The following SH3GL3 variants were observed in gnomAD, a reference collection of about 807,000 sequenced individuals.
The protein encoded by SH3GL3 is endophilin-A3.
SH3GL3 carries 33 observed loss-of-function variants against 47.7 expected under a neutral mutation model. The ratio of observed to expected loss-of-function variants is 0.69; its 90% CI spans 0.52 to 0.92. SH3GL3 has a LOEUF of 0.92. Among genes scored for constraint, SH3GL3 ranks in the 40% least tolerant of loss-of-function variants. SH3GL3 has a pLI of 0.00. For synonymous variants in SH3GL3, 155 were observed against 148.8 expected (o/e 1.04, Z -0.30); for missense variants, 363 against 417.8 (o/e 0.87, Z 1.14).
chr15:83,491,063 A>T (rs192250094), intron 1 of SH3GL3, among the ~76,000 whole-genome samples: 2 of 152,296 alleles, frequency 1.3e-5, no homozygotes, highest in Non-Finnish European at 2.9e-5. Flanking sequence ...ACAAAGACCT[A>T]AGGTCTAATG....
chr15:83,540,142 A>T (rs994212887), intron 1 of SH3GL3, among the ~76,000 whole-genome samples: 1 of 152,154 alleles, frequency 6.6e-6, no homozygotes, highest in Non-Finnish European at 1.5e-5. Flanking sequence ...ATTGATTTCT[A>T]TATTAATTTT....
At chr15:83,499,460 TAA>T (rs2042212284) in intron 1 of SH3GL3, among the ~76,000 whole-genome samples, 1 of 151,974 alleles carries the variant, frequency 6.6e-6, no homozygotes, top group South Asian at 2.1e-4. Context: ...TTTAACCAAT[TAA>T]ATCCCTCAAT....
intron 8 of SH3GL3, among the ~76,000 whole-genome samples, chr15:83,602,619 A>C (rs2060415839): frequency 6.6e-6 from 1 of 152,184 alleles, no homozygotes; most frequent in Admixed American, 6.5e-5. Flanking sequence ...ATTAAGTTTC[A>C]ACAGATGAGT....
intron 6 of SH3GL3, among the ~76,000 whole-genome samples, chr15:83,582,379 C>T (rs978391278): frequency 6.6e-6 from 1 of 152,086 alleles, no homozygotes; most frequent in Non-Finnish European, 1.5e-5. Flanking sequence ...TTCCAGATTC[C>T]TGAGGTCTTT....
At chr15:83,602,469 C>A (rs1345780607) in intron 8 of SH3GL3, among the ~76,000 whole-genome samples, 1 of 152,176 alleles carries the variant, frequency 6.6e-6, no homozygotes, top group Non-Finnish European at 1.5e-5. Context: ...CCTCACATGG[C>A]AGAAGGGGCA....
At chr15:83,573,487 G>A (rs976646914) in intron 5 of SH3GL3, among the ~76,000 whole-genome samples, 3 of 152,212 alleles carry the variant, frequency 2.0e-5, no homozygotes, top group African/African-American at 7.2e-5. Context: ...AATCTTATGG[G>A]TGAAGCCCAG....
At chr15:83,531,876 G>C (rs2043690623) in intron 1 of SH3GL3, among the ~76,000 whole-genome samples, 1 of 151,872 alleles carries the variant, frequency 6.6e-6, no homozygotes, top group African/African-American at 2.4e-5. Context: ...GAGAGAGAGA[G>C]ATGAGAGAGA....
At chr15:83,527,973 G>T (rs565806770) in intron 1 of SH3GL3, among the ~76,000 whole-genome samples, 1 of 152,218 alleles carries the variant, frequency 6.6e-6, no homozygotes, top group African/African-American at 2.4e-5. Flanking sequence ...ATTTCTTACA[G>T]AGCTGGACTA....
chr15:83,601,958 A>C lies in SH3GL3; in HGVS notation c.838+13187A>C, dbSNP rs573395510. ...CACTAGTTTGTGTCTCAAAAAAAAAAAAAACAAAACATAAAACCGAAATGC... is the reference window on the plus strand; with the variant it reads ...CACTAGTTTGTGTCTCAAAAAAAAACAAAACAAAACATAAAACCGAAATGC... On this transcript the variant is annotated intron_variant, in intron 8 of 8. Transcript: ENST00000427482. 1.6e-3 allele frequency among the ~76,000 whole-genome samples: 241 copies of C among 151,928 alleles called. 8 individuals carry two copies. In the South Asian group the frequency reaches 0.045, roughly 29 times the overall value.
intron 1 of SH3GL3, among the ~76,000 whole-genome samples, chr15:83,550,122 T>G (rs998532203): frequency 6.6e-6 from 1 of 152,210 alleles, no homozygotes; most frequent in Admixed American, 6.5e-5. Flanking sequence ...AACTTACATA[T>G]TACCTTTACT....
chr15:83,587,525 T>TAA (rs35935527), intron 7 of SH3GL3, among the ~76,000 whole-genome samples: 7,077 of 104,842 alleles, frequency 0.068, 301 homozygotes, highest in Non-Finnish European at 0.094. Context: ...TAAATATCTG[T>TAA]AAAAAAAAAA....
the SH3GL3 span, among the ~76,000 whole-genome samples, chr15:83,626,107 C>T: frequency 1.3e-5 from 2 of 152,224 alleles, no homozygotes; most frequent in African/African-American, 2.4e-5. Flanking sequence ...GCTGAGATTA[C>T]AGGCATGAGC....
intron 1 of SH3GL3, among the ~76,000 whole-genome samples, chr15:83,478,835 T>G (rs112741289): frequency 1.1e-4 from 16 of 152,364 alleles, no homozygotes; most frequent in African/African-American, 3.8e-4. Flanking sequence ...AGCACAGGGC[T>G]TGGCCCATAA....
intron 1 of SH3GL3, among the ~76,000 whole-genome samples, chr15:83,514,450 A>T (rs1415564251): frequency 2.0e-5 from 3 of 152,184 alleles, no homozygotes; most frequent in Non-Finnish European, 4.4e-5. Flanking sequence ...AGAGAGACAG[A>T]GAAAATTGAT....
intron 2 of SH3GL3, among the ~76,000 whole-genome samples, chr15:83,562,025 C>CA (rs2045300869): frequency 8.0e-6 from 1 of 125,216 alleles, no homozygotes; most frequent in Non-Finnish European, 1.7e-5. Flanking sequence ...CAGACACACA[C>CA]ACACAACACA....
At chr15:83,459,036 G>T (rs372054657) in intron 1 of SH3GL3, among the ~76,000 whole-genome samples, 1 of 152,286 alleles carries the variant, frequency 6.6e-6, no homozygotes, top group African/African-American at 2.4e-5. Flanking sequence ...AGTCTGGGCC[G>T]AAGGCCCGAG....
chr15:83,488,978 G>A (rs1441391771), intron 1 of SH3GL3, among the ~76,000 whole-genome samples: 1 of 152,204 alleles, frequency 6.6e-6, no homozygotes, highest in Non-Finnish European at 1.5e-5. Flanking sequence ...AAAGATCCTG[G>A]ATAGTTCTGA....
At chr15:83,591,141 G>A (rs1350825139) in intron 8 of SH3GL3, among the ~76,000 whole-genome samples, 1 of 152,070 alleles carries the variant, frequency 6.6e-6, no homozygotes, top group Non-Finnish European at 1.5e-5. Context: ...CTGAGTAGCT[G>A]GGACTACAGA....
chr15:83,466,935 T>C lies in SH3GL3; in HGVS notation c.45+19357T>C, dbSNP rs1435825862. Reference sequence around the variant, plus strand: ...GTTGAGTTGTGAATTCTTTATATATTATAGATATTAGTCCTCTGTTGGATA... The same window carrying C: ...GTTGAGTTGTGAATTCTTTATATATCATAGATATTAGTCCTCTGTTGGATA... On this transcript the variant is annotated intron_variant, in intron 1 of 8. Coordinates refer to ENST00000427482, the MANE Select transcript of SH3GL3 (RefSeq NM_003027.5). 2.6e-5 allele frequency among the ~76,000 whole-genome samples: 4 copies of C among 152,344 alleles called. No individual in the cohort carries two copies. The East Asian group carries it at 7.7e-4, about 29-fold the overall frequency.
Sources: allele counts gnomAD v4.1 joint callset (sites outside exome capture counted in the v4.1 genomes callset), GRCh38; gene constraint gnomAD v4.1.1; transcripts MANE v1.5; gene names NCBI Gene and HGNC (gene_info 2026-07-23, HGNC 2026-07-21).